Variants in AGTPBP1 observed in about 807,000 individuals in gnomAD.
The protein encoded by AGTPBP1 is cytosolic carboxypeptidase 1.
Under a neutral mutation model 143.9 loss-of-function variants are expected in AGTPBP1, and 70 were observed. The observed-to-expected ratio is 0.49, with a 90% CI of 0.40 to 0.59. The LOEUF (loss-of-function observed/expected upper bound fraction) is 0.59, where lower values mean the gene tolerates loss of function less well. AGTPBP1 is among the 20% of genes least tolerant of loss of function. AGTPBP1 has a pLI of 0.00. For synonymous variants in AGTPBP1, 463 were observed against 500.2 expected (o/e 0.93, Z 0.99); for missense variants, 1,229 against 1,464.5 (o/e 0.84, Z 2.62).
At chr9:85,792,370 G>A in the AGTPBP1 span, 1 of 152,134 alleles carries the variant, frequency 6.6e-6, no homozygotes, top group African/African-American at 2.4e-5. Context: ...TTCTAGATGG[G>A]AATAATGGGA....
At chr9:85,593,999 G>A (rs939976749) in intron 18 of AGTPBP1, among the ~76,000 whole-genome samples, 3 of 152,048 alleles carry the variant, frequency 2.0e-5, no homozygotes, top group African/African-American at 7.2e-5. Context: ...AATTGATATA[G>A]TCTTCATTAA....
chr9:85,588,686 A>G (rs1179110333), intron 20 of AGTPBP1, among the ~76,000 whole-genome samples: 5 of 152,164 alleles, frequency 3.3e-5, no homozygotes, highest in Non-Finnish European at 7.4e-5. Flanking sequence ...AGGAGCTCAT[A>G]ATAGGACATA....
intron 1 of AGTPBP1, among the ~76,000 whole-genome samples, chr9:85,714,362 A>T (rs1360597660): frequency 6.6e-6 from 1 of 152,200 alleles, no homozygotes; most frequent in Non-Finnish European, 1.5e-5. Flanking sequence ...TACTGCAGTG[A>T]ATGAAGTGCA....
chr9:85,645,693 T>TA (rs138604109), intron 12 of AGTPBP1, among the ~76,000 whole-genome samples: 2,544 of 152,134 alleles, frequency 0.017, 25 homozygotes, highest in Middle Eastern at 0.054. Flanking sequence ...GCTAAACAGC[T>TA]AAAAAAAGAG....
At chr9:85,674,672 G>C (rs1035921881) in intron 6 of AGTPBP1, among the ~76,000 whole-genome samples, 15 of 151,884 alleles carry the variant, frequency 9.9e-5, no homozygotes, top group Non-Finnish European at 2.2e-4. Context: ...AAGTCTTAAG[G>C]CTCCTAATAT....
the AGTPBP1 span, among the ~76,000 whole-genome samples, chr9:85,758,326 T>C: frequency 1.6e-4 from 25 of 152,062 alleles, no homozygotes; most frequent in African/African-American, 5.8e-4. Context: ...ATGAAAAACA[T>C]GAAAGAGCTC....
chr9:85,800,479 C>T, the AGTPBP1 span, among the ~76,000 whole-genome samples: 15 of 152,262 alleles, frequency 9.9e-5, no homozygotes, highest in East Asian at 1.9e-4. Flanking sequence ...CTGCTTTCCA[C>T]GTTTCTAAGT....
the AGTPBP1 span, among the ~76,000 whole-genome samples, chr9:85,762,163 A>T: frequency 6.6e-6 from 1 of 152,106 alleles, no homozygotes; most frequent in Admixed American, 6.6e-5. Flanking sequence ...ACACTTTTAC[A>T]CTGTTGGTGG....
chr9:85,799,954 C>A, the AGTPBP1 span, among the ~76,000 whole-genome samples: 6 of 152,188 alleles, frequency 3.9e-5, no homozygotes, highest in African/African-American at 1.4e-4. Context: ...GATCCCCAAA[C>A]CTCAATATTT....
At chr9:85,688,833 C>A (rs1434623204) in intron 3 of AGTPBP1, among the ~76,000 whole-genome samples, 1 of 152,178 alleles carries the variant, frequency 6.6e-6, no homozygotes, top group Non-Finnish European at 1.5e-5. Flanking sequence ...CTTGTTGCAA[C>A]AATTTAAATG....
At chr9:85,741,241 G>C (rs1486410649) in intron 1 of AGTPBP1, 7 of 985,328 alleles carry the variant, frequency 7.1e-6, no homozygotes, top group Non-Finnish European at 7.2e-6. Context: ...GGAAGCAAAC[G>C]TGCCCATCGC....
intron 25 of AGTPBP1, among the ~76,000 whole-genome samples, chr9:85,548,631 AAGTT>A: frequency 1.8e-5 from 2 of 113,130 alleles, no homozygotes; most frequent in Non-Finnish European, 3.5e-5. Flanking sequence ...TTAGAGAAAC[AAGTT>A]AGATTAAAAG....
At chr9:85,782,220 T>C in the AGTPBP1 span, among the ~76,000 whole-genome samples, 1 of 152,042 alleles carries the variant, frequency 6.6e-6, no homozygotes, top group Non-Finnish European at 1.5e-5. Flanking sequence ...GAAAATGTAA[T>C]AGAAGTAGAA....
In AGTPBP1 at chr9:85,630,912, G is replaced by A. The variant is rs914897526; in HGVS notation, c.2015+1750C>T. Among the ~76,000 whole-genome samples the A allele has an allele frequency of 6.6e-5, 10 of 152,136 alleles. 1 individual carries two copies. Among genetic ancestry groups the A allele is most frequent in the South Asian group, 2.1e-4 (1 of 4,830 alleles). ...CTGGTAATCATTCTCATTCCAGGCC[G>A]GCTGTAACATGTCCATTCACAGTTA... On this transcript the variant is annotated intron_variant, in intron 14 of 25. Transcript: ENST00000357081.
intron 17 of AGTPBP1, among the ~76,000 whole-genome samples, chr9:85,600,510 C>T (rs946473648): frequency 6.6e-6 from 1 of 152,100 alleles, no homozygotes; most frequent in African/African-American, 2.4e-5. Context: ...GTAACAAGAA[C>T]ACCTAAGACA....
chr9:85,702,508 T>C (rs1018720366), intron 2 of AGTPBP1, among the ~76,000 whole-genome samples: 5 of 152,108 alleles, frequency 3.3e-5, no homozygotes, highest in Non-Finnish European at 7.4e-5. Context: ...CACAATATCA[T>C]CTCTCAATTT....
intron 25 of AGTPBP1, among the ~76,000 whole-genome samples, chr9:85,567,464 T>C (rs1827183846): frequency 6.6e-6 from 1 of 152,064 alleles, no homozygotes; most frequent in Non-Finnish European, 1.5e-5. Context: ...TAGTGGTCCA[T>C]GCCTGTAATC....
At chr9:85,667,275 A>G (rs987909337) in intron 8 of AGTPBP1, among the ~76,000 whole-genome samples, 1 of 152,136 alleles carries the variant, frequency 6.6e-6, no homozygotes, top group East Asian at 1.9e-4. Context: ...CATATGTGCA[A>G]GTAAGCTCAG....
At chr9:85,582,402 C>T (rs1381966128) in intron 23 of AGTPBP1, among the ~76,000 whole-genome samples, 2 of 152,098 alleles carry the variant, frequency 1.3e-5, no homozygotes, top group Non-Finnish European at 2.9e-5. Flanking sequence ...TTAGGCTGGG[C>T]GCGATGGCTC....
Sources: gnomAD v4.1 joint callset for allele counts (sites outside exome capture counted in the v4.1 genomes callset) on GRCh38, gnomAD v4.1.1 for gene constraint, MANE v1.5 for transcripts, NCBI Gene and HGNC (gene_info 2026-07-23, HGNC 2026-07-21) for gene names.